Variants in TRAIP observed in about 807,000 individuals in gnomAD.
TRAIP encodes the protein TRAF interacting protein, also known as E3 ubiquitin-protein ligase TRAIP.
A neutral mutation model predicts 65.0 loss-of-function variants in TRAIP; 37 were observed. That is an observed-to-expected ratio of 0.57 (90% CI 0.44 to 0.75). TRAIP has a LOEUF of 0.75. Among genes scored for constraint, TRAIP ranks in the 30% least tolerant of loss-of-function variants. The pLI is 0.00. For missense variants in TRAIP, 481 were observed against 579.4 expected (o/e 0.83, Z 1.74); for synonymous variants, 187 against 219.1 (o/e 0.85, Z 1.29).
Position 49,829,197 on chromosome 3 carries a change from G to A in TRAIP, c.1316C>T (p.Pro439Leu). Reference sequence around the variant, plus strand: ...CTTAACCTTGGTCTTGGGCTTAACAGGCAATGGGCGGATCATGACTGTGTC... The same window carrying A: ...CTTAACCTTGGTCTTGGGCTTAACAAGCAATGGGCGGATCATGACTGTGTC... Reference protein sequence around the residue: ...PTDTVMIRPLPVKPKTKVKQR... With the variant: ...PTDTVMIRPLLVKPKTKVKQR... The change falls in exon 15 of 15, where the codon CCT (proline) becomes CTT (leucine). Residue 439 changes from proline (P) to leucine (L), a missense_variant. Physicochemically the swap from Pro to Leu is moderately conservative, Grantham distance 98 (BLOSUM62 -3). Coordinates refer to ENST00000331456, the MANE Select transcript of TRAIP (RefSeq NM_005879.3). The A allele has an allele frequency of 6.2e-7, 1 of 1,614,252 alleles. No homozygotes were observed. The highest frequency in any genetic ancestry group is 1.1e-5 in the South Asian group (1 of 91,092).
At chr3:49,855,648 G>A (rs1294591641) in intron 1 of TRAIP, among the ~76,000 whole-genome samples, 1 of 152,174 alleles carries the variant, frequency 6.6e-6, no homozygotes, top group East Asian at 1.9e-4. Context: ...GCAGCCATCA[G>A]TGTCATGCCT....
Position 49,839,825 on chromosome 3 carries a change from G to A in TRAIP, c.831C>T (p.Thr277=). The A allele has an allele frequency of 6.2e-7, 1 of 1,614,258 alleles. No individual in the cohort carries two copies. The highest frequency in any genetic ancestry group is 8.5e-7 in the Non-Finnish European group (1 of 1,180,036). The change falls in exon 10 of 15, where the codon ACC becomes ACT. Residue 277 remains threonine, a synonymous_variant. Transcript: ENST00000331456. ...LKKKLTMLQE[T]LNLPPVASET... ...CACTGGCCACTGGTGGCAGGTTCAA[G>A]GTTTCCTGCAGCATCGTTAGCTTCT...
chr3:49,851,708 T>G (rs1408601324), intron 1 of TRAIP, among the ~76,000 whole-genome samples: 2 of 149,862 alleles, frequency 1.3e-5, no homozygotes, highest in African/African-American at 4.9e-5. Flanking sequence ...CACTTTTTTT[T>G]TTTTTTAAGA....
intron 7 of TRAIP, 122 bp from the exon 8 acceptor site, chr3:49,841,194 C>G (rs1303804874): frequency 5.0e-6 from 4 of 795,254 alleles, no homozygotes; most frequent in Admixed American, 2.0e-5. Context: ...CCTACTTTGA[C>G]ACCTGAGCCC....
intron 3 of TRAIP, among the ~76,000 whole-genome samples, chr3:49,847,220 T>TAAATAAATAAAA (rs1365298011): frequency 2.1e-5 from 3 of 145,316 alleles, no homozygotes; most frequent in African/African-American, 7.7e-5. Flanking sequence ...AATAAATAAA[T>TAAATAAATAAAA]AAAATAAAAA....
rs992587109 is a variant in TRAIP, at chr3:49,829,253, G to C, written c.1288-28C>G. ...GGAGGAGCTGTCAAGGAAGAGGCAT[G>C]GAGAAAGGACTGCAATGCAGGGCGA... On this transcript the variant is annotated intron_variant, in intron 14 of 14. Coordinates refer to ENST00000331456, the MANE Select transcript of TRAIP (RefSeq NM_005879.3). The C allele has an allele frequency of 2.5e-6, 4 of 1,614,194 alleles. No homozygotes were observed. The South Asian group carries it at 4.4e-5, about 18-fold the overall frequency.
chr3:49,856,045 TG>T (rs2108324639), intron 1 of TRAIP, among the ~76,000 whole-genome samples: 1 of 152,368 alleles, frequency 6.6e-6, no homozygotes, highest in African/African-American at 2.4e-5. Flanking sequence ...CTTGTTGATG[TG>T]GTGAAAGCTC....
chr3:49,842,630 A>AG, intron 5 of TRAIP, 83 bp from the exon 6 acceptor site: 3 of 1,278,874 alleles, frequency 2.3e-6, no homozygotes, highest in Non-Finnish European at 3.4e-6. Flanking sequence ...TCTGCTCCAG[A>AG]ACTCTCTGCA....
chr3:49,852,430 T>C (rs1224085811), intron 1 of TRAIP, among the ~76,000 whole-genome samples: 1 of 150,138 alleles, frequency 6.7e-6, no homozygotes, highest in African/African-American at 2.5e-5. Flanking sequence ...GAAGAGATAA[T>C]GGCTGATAAT....
intron 10 of TRAIP, 147 bp downstream of exon 10, chr3:49,839,625 T>C (rs1672147028): frequency 2.7e-6 from 2 of 741,362 alleles, no homozygotes; most frequent in Non-Finnish European, 4.6e-6. Flanking sequence ...GCTTGCCAGC[T>C]AAATCTTGGC....
At chr3:49,850,942 C>T (rs1318910275) in intron 1 of TRAIP, among the ~76,000 whole-genome samples, 2 of 151,510 alleles carry the variant, frequency 1.3e-5, no homozygotes, top group African/African-American at 2.4e-5. Flanking sequence ...CCACCATGCC[C>T]GGCCAATAGC....
chr3:49,854,658 T>A (rs1168591097), intron 1 of TRAIP, among the ~76,000 whole-genome samples: 1 of 152,150 alleles, frequency 6.6e-6, no homozygotes, highest in Non-Finnish European at 1.5e-5. Flanking sequence ...AAAGACAATA[T>A]GTTTACTCTT....
chr3:49,853,621 G>A (rs2081951428), intron 1 of TRAIP, among the ~76,000 whole-genome samples: 1 of 152,000 alleles, frequency 6.6e-6, no homozygotes, highest in Non-Finnish European at 1.5e-5. Context: ...CGAGGTGGGC[G>A]GATCACGAGG....
chr3:49,834,180 C>G (rs760465071), intron 10 of TRAIP, among the ~76,000 whole-genome samples: 1 of 152,172 alleles, frequency 6.6e-6, no homozygotes, highest in Non-Finnish European at 1.5e-5. Flanking sequence ...CTGGCTGTCT[C>G]TAGCCTGGAG....
At chr3:49,844,076 T>A in intron 4 of TRAIP, 148 bp from the exon 5 acceptor site, 1 of 1,114,256 alleles carries the variant, frequency 9.0e-7, no homozygotes, top group Non-Finnish European at 1.3e-6. Flanking sequence ...CTTCTTTCTC[T>A]GGGATGTGCC....
In TRAIP at chr3:49,829,180, T is replaced by C; in HGVS notation, c.1333A>G (p.Lys445Glu). 6.2e-7 allele frequency: 1 copy of C among 1,614,152 alleles called. No homozygotes were observed. Among genetic ancestry groups the C allele is most frequent in the East Asian group, 2.2e-5 (1 of 44,884 alleles). ...TTCACCCTCACCCTCTGCTTAACCT[T>C]GGTCTTGGGCTTAACAGGCAATGGG... ...IRPLPVKPKT[K>E]VKQRVRVKTV... Residue 445 changes from lysine (K) to glutamate (E), a missense_variant, in exon 15 of 15, where the codon AAG (lysine) becomes GAG (glutamate). Coordinates refer to ENST00000331456, the MANE Select transcript of TRAIP (RefSeq NM_005879.3).
In TRAIP at chr3:49,833,641, A is replaced by G. The variant is rs993190473; in HGVS notation, c.885-1573T>C. 3.3e-5 allele frequency among the ~76,000 whole-genome samples: 5 copies of G among 152,026 alleles called. No individual in the cohort carries two copies. The East Asian group carries it at 7.8e-4, about 24-fold the overall frequency. On this transcript the variant is annotated intron_variant, in intron 10 of 14. Transcript: ENST00000331456. ...GCTACAGGCGCCCGCCACCACGCCC[A>G]GCTAATTTTTTGTATTTTTAGTAGA... is the stretch of plus-strand genomic sequence containing the variant.
At chr3:49,831,848 A>G in intron 11 of TRAIP, 68 bp downstream of exon 11, 1 of 1,429,928 alleles carries the variant, frequency 7.0e-7, no homozygotes, top group Non-Finnish European at 9.2e-7. Flanking sequence ...CTAACAGCAC[A>G]GGGCCTGCAG....
chr3:49,832,092 A>C, intron 10 of TRAIP, 24 bp from the exon 11 acceptor site: 1 of 1,556,706 alleles, frequency 6.4e-7, no homozygotes, highest in Non-Finnish European at 8.7e-7. Context: ...TGACCTGGTT[A>C]CTTGGGGCCA....
Sources: allele counts gnomAD v4.1 joint callset (sites outside exome capture counted in the v4.1 genomes callset), GRCh38; gene constraint gnomAD v4.1.1; transcripts MANE v1.5; gene names NCBI Gene and HGNC (gene_info 2026-07-23, HGNC 2026-07-21).